DLGAP1: variants seen among roughly 807,000 people sequenced by gnomAD.
The protein encoded by DLGAP1 is disks large-associated protein 1.
DLGAP1 carries 11 observed loss-of-function variants against 90.8 expected under a neutral mutation model. The ratio of observed to expected loss-of-function variants is 0.12; its 90% CI spans 0.08 to 0.20. The LOEUF is 0.20. Among genes scored for constraint, DLGAP1 ranks in the 10% least tolerant of loss-of-function variants. DLGAP1 has a pLI of 1.00. For synonymous variants in DLGAP1, 558 were observed against 540.7 expected (o/e 1.03, Z -0.44); for missense variants, 1,050 against 1,333.8 (o/e 0.79, Z 3.31).
At chr18:3,945,673 C>T (rs1480101310) in intron 3 of DLGAP1, among the ~76,000 whole-genome samples, 2 of 152,058 alleles carry the variant, frequency 1.3e-5, no homozygotes, top group Admixed American at 6.6e-5. Flanking sequence ...GGGAGATATA[C>T]CTAATGCTAG....
chr18:4,223,105 A>G (rs1332312435), intron 1 of DLGAP1, among the ~76,000 whole-genome samples: 1 of 152,136 alleles, frequency 6.6e-6, no homozygotes, highest in Non-Finnish European at 1.5e-5. Context: ...AGAAAATAAA[A>G]TAAAATAAAA....
chr18:4,362,567 G>C (rs1046846447), intron 1 of DLGAP1, among the ~76,000 whole-genome samples: 1 of 152,154 alleles, frequency 6.6e-6, no homozygotes, highest in Non-Finnish European at 1.5e-5. Flanking sequence ...GAGTCCAGGG[G>C]CTGGGAAGAT....
At chr18:4,369,210 T>C (rs1164943938) in intron 1 of DLGAP1, among the ~76,000 whole-genome samples, 1 of 152,204 alleles carries the variant, frequency 6.6e-6, no homozygotes, top group African/African-American at 2.4e-5. Flanking sequence ...TTAATATGTA[T>C]GCATATGAAT....
intron 7 of DLGAP1, among the ~76,000 whole-genome samples, chr18:3,689,406 C>T (rs1378709338): frequency 6.6e-6 from 1 of 152,178 alleles, no homozygotes; most frequent in African/African-American, 2.4e-5. Context: ...CATCCAGGGT[C>T]AGGTTGCCCT....
At chr18:4,194,426 G>C (rs553756598) in intron 1 of DLGAP1, among the ~76,000 whole-genome samples, 1 of 152,174 alleles carries the variant, frequency 6.6e-6, no homozygotes, top group East Asian at 1.9e-4. Context: ...CTTTATTACA[G>C]ATAAAATATT....
chr18:4,308,671 G>C (rs1438970803), intron 1 of DLGAP1, among the ~76,000 whole-genome samples: 3 of 152,170 alleles, frequency 2.0e-5, no homozygotes, highest in Non-Finnish European at 4.4e-5. Context: ...GGTTTAAATT[G>C]GTACAAATAG....
chr18:4,097,786 T>A (rs954779405), intron 2 of DLGAP1, among the ~76,000 whole-genome samples: 1 of 152,234 alleles, frequency 6.6e-6, no homozygotes, highest in Non-Finnish European at 1.5e-5. Flanking sequence ...AGATATACTT[T>A]CCCACAGGAT....
At chr18:4,257,849 T>C (rs1276671737) in intron 1 of DLGAP1, among the ~76,000 whole-genome samples, 1 of 151,948 alleles carries the variant, frequency 6.6e-6, no homozygotes, top group Non-Finnish European at 1.5e-5. Context: ...GGTCTCAAAC[T>C]CCTGACCTCA....
chr18:3,930,126 A>G (rs2072483614), intron 3 of DLGAP1, among the ~76,000 whole-genome samples: 1 of 152,196 alleles, frequency 6.6e-6, no homozygotes, highest in South Asian at 2.1e-4. Flanking sequence ...TATTATTTTA[A>G]TGCATACTTT....
intron 8 of DLGAP1, chr18:3,580,343 A>T: frequency 6.2e-7 from 1 of 1,613,950 alleles, no homozygotes; most frequent in Non-Finnish European, 8.5e-7. Flanking sequence ...CGCGAAATGT[A>T]GTTTTGCCAC....
intron 1 of DLGAP1, among the ~76,000 whole-genome samples, chr18:4,366,950 C>T (rs1361619082): frequency 8.2e-6 from 1 of 122,604 alleles, no homozygotes; most frequent in Non-Finnish European, 1.6e-5. Context: ...TTGATTTTTA[C>T]TTTCATAATA....
chr18:3,967,799 A>G (rs2073360940), intron 3 of DLGAP1, among the ~76,000 whole-genome samples: 1 of 152,018 alleles, frequency 6.6e-6, no homozygotes, highest in African/African-American at 2.4e-5. Context: ...ATGTATTTCC[A>G]CAACTAAGTA....
intron 10 of DLGAP1, among the ~76,000 whole-genome samples, chr18:3,532,500 C>A (rs1336597551): frequency 2.0e-5 from 3 of 151,782 alleles, no homozygotes; most frequent in Admixed American, 6.5e-5. Flanking sequence ...ATCACTTGAA[C>A]CCTGGAGGCA....
At position 4,223,022 on chromosome 18, in the gene DLGAP1, G is replaced by A. The variant is rs555245369; in HGVS notation, c.-266-71735C>T. ...TAGTCTCAGCTACTCTGGAGGCTGA[G>A]GTACGAGAAGCACTTATGTCCAGGA... On this transcript the variant is annotated intron_variant, in intron 1 of 12. Transcript: ENST00000315677. 2.5e-4 allele frequency among the ~76,000 whole-genome samples: 38 copies of A among 152,210 alleles called. No individual in the cohort carries two copies. The East Asian group carries it at 7.1e-3, about 29-fold the overall frequency.
At chr18:3,782,402 G>C (rs1472126162) in intron 5 of DLGAP1, among the ~76,000 whole-genome samples, 1 of 152,220 alleles carries the variant, frequency 6.6e-6, no homozygotes, top group Non-Finnish European at 1.5e-5. Flanking sequence ...CTCCCAAAGT[G>C]TTGGGATTAC....
intron 1 of DLGAP1, among the ~76,000 whole-genome samples, chr18:4,393,977 T>A (rs1213782134): frequency 6.6e-6 from 1 of 152,184 alleles, no homozygotes; most frequent in Non-Finnish European, 1.5e-5. Flanking sequence ...ATCTCCTTCC[T>A]GCTGTGCGGC....
At chr18:3,928,731 G>A (rs2072448938) in intron 3 of DLGAP1, among the ~76,000 whole-genome samples, 1 of 152,102 alleles carries the variant, frequency 6.6e-6, no homozygotes, top group African/African-American at 2.4e-5. Context: ...AAACACAGGT[G>A]GTCTGGCCCC....
intron 1 of DLGAP1, among the ~76,000 whole-genome samples, chr18:4,283,341 G>A (rs2079600226): frequency 6.6e-6 from 1 of 152,190 alleles, no homozygotes; most frequent in South Asian, 2.1e-4. Context: ...ACATGGGAGA[G>A]TTAGAGAAAT....
intron 5 of DLGAP1, among the ~76,000 whole-genome samples, chr18:3,744,820 A>T (rs917661501): frequency 1.3e-5 from 2 of 152,248 alleles, no homozygotes; most frequent in African/African-American, 4.8e-5. Flanking sequence ...TGTTGGGATT[A>T]CAGGCATAAG....
Sources: allele counts gnomAD v4.1 joint callset (sites outside exome capture counted in the v4.1 genomes callset), GRCh38; gene constraint gnomAD v4.1.1; transcripts MANE v1.5; gene names NCBI Gene and HGNC (gene_info 2026-07-23, HGNC 2026-07-21).